FAM91A1: variants seen among roughly 807,000 people sequenced by gnomAD.
FAM91A1 encodes the protein family with sequence similarity 91 member A1, also known as protein FAM91A1.
In FAM91A1, 41 loss-of-function variants were observed where a neutral mutation model predicts 113.5. That is an observed-to-expected ratio of 0.36 (90% CI 0.28 to 0.47). The LOEUF is 0.47. Among genes scored for constraint, FAM91A1 ranks in the 20% least tolerant of loss-of-function variants. The pLI is 1.00. For synonymous variants in FAM91A1, 307 were observed against 347.9 expected (o/e 0.88, Z 1.31); for missense variants, 696 against 1,001.2 (o/e 0.70, Z 4.11).
At chr8:123,787,189 A>C in intron 12 of FAM91A1, 72 bp from the exon 13 acceptor site, 1 of 1,159,950 alleles carries the variant, frequency 8.6e-7, no homozygotes, top group Non-Finnish European at 1.3e-6. Flanking sequence ...GCTGAAATGA[A>C]ATACTTTCAC....
chr8:123,808,398 C>CA (rs779777851), intron 21 of FAM91A1, 22 bp downstream of exon 21: 8 of 1,589,768 alleles, frequency 5.0e-6, no homozygotes, highest in Non-Finnish European at 5.2e-6. Context: ...AAACTTTTTC[C>CA]AATTTTATTA....
intron 15 of FAM91A1, among the ~76,000 whole-genome samples, chr8:123,795,882 G>A (rs1295897722): frequency 6.6e-6 from 1 of 152,220 alleles, no homozygotes; most frequent in Non-Finnish European, 1.5e-5. Context: ...TATCTATAAA[G>A]CTGCTGAGCC....
At chr8:123,805,506 C>A (rs1815781939) in intron 19 of FAM91A1, among the ~76,000 whole-genome samples, 167 bp downstream of exon 19, 1 of 151,886 alleles carries the variant, frequency 6.6e-6, no homozygotes. Context: ...ATGTGCTTTG[C>A]CATCCACAAA....
In FAM91A1 at chr8:123,794,625, A is replaced by C. The variant is rs1815464086; in HGVS notation, c.1412-3465A>C. ...TGCCCTGTGACGCTGATCATCTCTGAGTGAGCAATTTGTCTTTACGTTAAA... is the reference window on the plus strand; with the variant it reads ...TGCCCTGTGACGCTGATCATCTCTGCGTGAGCAATTTGTCTTTACGTTAAA... On this transcript the variant is annotated intron_variant, in intron 15 of 23. Transcript: ENST00000334705. Among the ~76,000 whole-genome samples the C allele has an allele frequency of 2.0e-5, 3 of 152,194 alleles. No individual in the cohort carries two copies. The South Asian group carries it at 6.2e-4, about 32-fold the overall frequency.
chr8:123,786,691 T>A, intron 12 of FAM91A1, 81 bp downstream of exon 12: 1 of 1,071,870 alleles, frequency 9.3e-7, no homozygotes, highest in African/African-American at 1.6e-5. Context: ...AGTTACCTTC[T>A]AATTTTAGTT....
In FAM91A1 at chr8:123,780,086, A is replaced by G. The variant is rs973673061; in HGVS notation, c.640+11A>G. The G allele has an allele frequency of 1.6e-5, 25 of 1,602,284 alleles. No individual in the cohort carries two copies. Among genetic ancestry groups the G allele is most frequent in the Admixed American group, 5.2e-5 (3 of 58,006 alleles). On this transcript the variant is annotated intron_variant, in intron 7 of 23. Coordinates refer to ENST00000334705, the MANE Select transcript of FAM91A1 (RefSeq NM_144963.4). ...ACAATGTAGTACATAGTAAGTGGTT[A>G]GTAGAAATGGTCTTTTGTCAACATA...
chr8:123,783,984 G>A (rs909501060), intron 8 of FAM91A1, among the ~76,000 whole-genome samples: 4 of 152,220 alleles, frequency 2.6e-5, no homozygotes, highest in African/African-American at 7.2e-5. Flanking sequence ...CCATTTTTAG[G>A]ATGGAGTAGG....
chr8:123,810,539 G>A (rs762469170), intron 23 of FAM91A1, 188 bp downstream of exon 23: 1 of 673,294 alleles, frequency 1.5e-6, no homozygotes, highest in East Asian at 2.8e-5. Context: ...GGTCTTCGGA[G>A]ACCAAAGCTT....
chr8:123,775,832 G>A (rs948801094), intron 3 of FAM91A1, among the ~76,000 whole-genome samples: 1 of 152,114 alleles, frequency 6.6e-6, no homozygotes, highest in African/African-American at 2.4e-5. Context: ...AGCCGTGGTG[G>A]TGTGCACCTG....
intron 15 of FAM91A1, among the ~76,000 whole-genome samples, chr8:123,793,386 A>G (rs1404879325): frequency 6.6e-6 from 1 of 151,974 alleles, no homozygotes; most frequent in Non-Finnish European, 1.5e-5. Context: ...GAAATTGGTA[A>G]TTTTTCCCCC....
At position 123,774,088 on chromosome 8, in the gene FAM91A1, A is replaced by G; in HGVS notation, c.81A>G (p.Gly27=). The G allele has an allele frequency of 6.2e-7, 1 of 1,606,048 alleles. No individual in the cohort carries two copies. The highest frequency in any genetic ancestry group is 8.5e-7 in the Non-Finnish European group (1 of 1,176,848). Residue 27 remains glycine (G), a synonymous_variant, in exon 2 of 24, where the codon GGA becomes GGG. Transcript: ENST00000334705. The stretch of plus-strand genomic sequence containing the variant: ...TTTGAAATTTCTCCTAGAGTCTTGG[A>G]AATTCACAGAGAGAATATGAAAAGC... ...KLPANVRQSL[G]NSQREYEKQV... is the part of the protein sequence containing the mutation.
chr8:123,779,822 A>G (rs1468801491), intron 6 of FAM91A1, among the ~76,000 whole-genome samples, 163 bp from the exon 7 acceptor site: 1 of 152,178 alleles, frequency 6.6e-6, no homozygotes, highest in African/African-American at 2.4e-5. Flanking sequence ...ACCTTAATTG[A>G]TGGCTATGTG....
chr8:123,800,746 T>C (rs1228202026), intron 18 of FAM91A1, among the ~76,000 whole-genome samples: 1 of 152,202 alleles, frequency 6.6e-6, no homozygotes, highest in African/African-American at 2.4e-5. Context: ...TTGCCGAATC[T>C]GGGCATTTAT....
At chr8:123,797,042 A>C (rs1351013822) in intron 15 of FAM91A1, among the ~76,000 whole-genome samples, 1 of 151,942 alleles carries the variant, frequency 6.6e-6, no homozygotes, top group African/African-American at 2.4e-5. Context: ...GCCTGTCGAC[A>C]GAGTGAGACT....
At chr8:123,769,708 T>A (rs765688880) in intron 1 of FAM91A1, among the ~76,000 whole-genome samples, 8 of 147,692 alleles carry the variant, frequency 5.4e-5, no homozygotes, top group Non-Finnish European at 1.2e-4. Context: ...TACATTTTAC[T>A]AAAGAAAGAC....
chr8:123,785,059 A>G, intron 9 of FAM91A1, 22 bp from the exon 10 acceptor site: 2 of 1,561,542 alleles, frequency 1.3e-6, no homozygotes, highest in Non-Finnish European at 1.7e-6. Context: ...ATGTAAAAAT[A>G]AATTTTAATT....
chr8:123,810,299 A>G lies in FAM91A1; in HGVS notation c.2279A>G (p.His760Arg), dbSNP rs1563650722. ...CRKESLQNLL[H>R]SSRKLSLQVL... ...TTTTTCAGCCTTCAAAACCTCTTAC[A>G]TTCCAGTAGAAAACTCTCTCTGCAA... The change falls in exon 23 of 24, where the codon CAT becomes CGT. Residue 760 changes from histidine to arginine, a missense_variant. Physicochemically the swap from His to Arg is conservative, Grantham distance 29. Transcript: ENST00000334705. The G allele has an allele frequency of 1.2e-6, 2 of 1,608,910 alleles. No homozygotes were observed. Among genetic ancestry groups the G allele is most frequent in the African/African-American group, 1.3e-5 (1 of 74,344 alleles).
At chr8:123,776,946 G>A (rs1464097722) in intron 3 of FAM91A1, among the ~76,000 whole-genome samples, 3 of 151,954 alleles carry the variant, frequency 2.0e-5, no homozygotes, top group African/African-American at 7.3e-5. Context: ...GGTATGAAAT[G>A]TGGAGAGGCT....
intron 1 of FAM91A1, among the ~76,000 whole-genome samples, chr8:123,770,759 G>A (rs1009490780): frequency 2.0e-5 from 3 of 152,206 alleles, no homozygotes; most frequent in African/African-American, 7.2e-5. Flanking sequence ...TCATGGGACA[G>A]TTAAAATTAG....
Sources: gnomAD v4.1 joint callset for allele counts (sites outside exome capture counted in the v4.1 genomes callset) on GRCh38, gnomAD v4.1.1 for gene constraint, MANE v1.5 for transcripts, NCBI Gene and HGNC (gene_info 2026-07-23, HGNC 2026-07-21) for gene names.